TNC: variants seen among roughly 807,000 people sequenced by gnomAD.
TNC encodes the protein tenascin.
A neutral mutation model predicts 202.4 loss-of-function variants in TNC; 109 were observed. The ratio of observed to expected loss-of-function variants is 0.54; its 90% confidence interval spans 0.46 to 0.63. The LOEUF is 0.63. TNC is among the 30% of genes least tolerant of loss of function. The pLI is 0.00. For missense variants in TNC, 2,756 were observed against 2,833.3 expected (o/e 0.97, Z 0.62); for synonymous variants, 1,007 against 1,089.7 (o/e 0.92, Z 1.50).
At chr9:115,100,863 TTTTAA>T (rs763827832) in intron 1 of TNC, among the ~76,000 whole-genome samples, 1 of 152,200 alleles carries the variant, frequency 6.6e-6, no homozygotes, top group African/African-American at 2.4e-5. Context: ...AAAATTTTAA[TTTTAA>T]TTTGTCAATT....
At position 115,081,912 on chromosome 9, in the gene TNC, C is replaced by T; in HGVS notation, c.2264G>A (p.Gly755Glu). 1.9e-6 allele frequency: 3 copies of T among 1,588,168 alleles called. No homozygotes were observed. The highest frequency in any genetic ancestry group is 2.6e-6 in the Non-Finnish European group (3 of 1,173,550). Reference protein sequence around the residue: ...IFRNMNKEDEGEITKSLRRPE... With the variant: ...IFRNMNKEDEEEITKSLRRPE... ...CCTCCTCAGGCTTTTGGTGATCTCT[C>T]CCTCATCTTCTTTATTCTGAGAGAT... is the stretch of plus-strand genomic sequence containing the variant. Residue 755 changes from glycine (G) to glutamate (E), a missense_variant, in exon 6 of 28, where the codon GGA becomes GAA. Physicochemically the swap from Gly to Glu is moderately conservative, Grantham distance 98 (BLOSUM62 -2). Coordinates refer to ENST00000350763, the MANE Select transcript of TNC (RefSeq NM_002160.4).
At chr9:115,057,100 T>C in intron 15 of TNC, 53 bp downstream of exon 15, 1 of 1,555,160 alleles carries the variant, frequency 6.4e-7, no homozygotes, top group South Asian at 1.3e-5. Flanking sequence ...GGCTTCACCC[T>C]GCAAAGAAGA....
At position 115,067,480 on chromosome 9, in the gene TNC, A is replaced by AT. The variant is rs1040625992; in HGVS notation, c.3215-2562dup. Among the ~76,000 whole-genome samples, 10 of 152,010 alleles carry AT rather than the reference A, an allele frequency of 6.6e-5. No individual in the cohort carries two copies. In the East Asian group the frequency reaches 1.4e-3, roughly 21 times the overall value. On this transcript the variant is annotated intron_variant, in intron 10 of 27. Transcript: ENST00000350763. The stretch of plus-strand genomic sequence containing the variant: ...CTTATGTCTAATTGTTACATAAAAC[A>AT]TTTTTTTCTATAAAATAAATTTTAA...
chr9:115,104,437 G>T (rs1344367168), intron 1 of TNC, among the ~76,000 whole-genome samples: 3 of 152,166 alleles, frequency 2.0e-5, no homozygotes, highest in African/African-American at 7.2e-5. Flanking sequence ...AGTCCCGAAA[G>T]ACCCTGAAAA....
Position 115,062,713 on chromosome 9 carries a change from T to A in TNC, c.4033+204A>T, listed in dbSNP as rs546446659. Among the ~76,000 whole-genome samples the A allele has an allele frequency of 2.0e-5, 3 of 152,110 alleles. No homozygotes were observed. The East Asian group carries it at 5.8e-4, about 29-fold the overall frequency. ...ATATATTTGTGTGTGTGTATATATG[T>A]GTATCTATATATATACATACACATA... On this transcript the variant is annotated intron_variant, in intron 13 of 27. Transcript: ENST00000350763.
intron 9 of TNC, 44 bp from the exon 10 acceptor site, chr9:115,073,910 C>T: frequency 6.3e-7 from 1 of 1,575,148 alleles, no homozygotes; most frequent in South Asian, 1.2e-5. Context: ...GGCTGCAAGA[C>T]AGGGCTGCTT....
At chr9:115,094,758 T>C (rs948829731) in intron 1 of TNC, among the ~76,000 whole-genome samples, 29 of 151,820 alleles carry the variant, frequency 1.9e-4, no homozygotes, top group Admixed American at 2.6e-4. Flanking sequence ...CATGTAGAAA[T>C]CCTGGCAAAG....
In TNC at chr9:115,021,934, G is replaced by A. The variant is rs1000682473; in HGVS notation, c.6496-667C>T. On this transcript the variant is annotated intron_variant, in intron 27 of 27. Coordinates refer to ENST00000350763, the MANE Select transcript of TNC (RefSeq NM_002160.4). The stretch of plus-strand genomic sequence containing the variant: ...AAGGAGCTATCACAGAGCTGGGCAC[G>A]TCGTAGGTGCTTGGTAAATATTACT... 2.6e-5 allele frequency among the ~76,000 whole-genome samples: 4 copies of A among 152,296 alleles called. No homozygotes were observed. The South Asian group carries it at 6.2e-4, about 24-fold the overall frequency.
chr9:115,026,860 AGGGGGT>A (rs1457678626), intron 25 of TNC, among the ~76,000 whole-genome samples, 165 bp from the exon 26 acceptor site: 2 of 604 alleles, frequency 3.3e-3, no homozygotes, highest in African/African-American at 0.012. Flanking sequence ...ATGGGGTGGG[AGGGGGT>A]GGGGGTGGGG....
rs760052760 is a variant in TNC, at chr9:115,084,355, C to T, written c.1985G>A (p.Gly662Asp). The T allele has an allele frequency of 5.0e-6, 8 of 1,614,224 alleles. No individual in the cohort carries two copies. Among genetic ancestry groups the T allele is most frequent in the Non-Finnish European group, 5.9e-6 (7 of 1,180,044 alleles). ...CACACGGAACTGCATTTCCAGACCACCCTCGTGGGTGGGCGTGTACACGAC... is the reference window on the plus strand; with the variant it reads ...CACACGGAACTGCATTTCCAGACCATCCTCGTGGGTGGGCGTGTACACGAC... ...YLVVYTPTHE[G>D]GLEMQFRVPG... Residue 662 changes from glycine to aspartate, a missense_variant, in exon 4 of 28, where the codon GGT becomes GAT. Gly to Asp is a moderately conservative substitution (Grantham distance 94). Transcript: ENST00000350763.
chr9:115,043,077 C>T (rs554706023), intron 17 of TNC, among the ~76,000 whole-genome samples: 2 of 152,288 alleles, frequency 1.3e-5, no homozygotes, highest in East Asian at 3.9e-4. Context: ...AAATACCTCC[C>T]CTCAAAACCC....
intron 23 of TNC, among the ~76,000 whole-genome samples, chr9:115,031,135 C>T (rs887869129): frequency 3.9e-5 from 6 of 152,210 alleles, no homozygotes; most frequent in Non-Finnish European, 7.3e-5. Flanking sequence ...AGACTTTCAG[C>T]TCATGTTGAA....
At chr9:115,035,164 C>A in intron 22 of TNC, 40 bp downstream of exon 22, 1 of 1,548,664 alleles carries the variant, frequency 6.5e-7, no homozygotes, top group African/African-American at 1.4e-5. Flanking sequence ...CATGCAAATG[C>A]TTCAACTAGC....
At chr9:115,075,976 C>G in intron 9 of TNC, 56 bp downstream of exon 9, 1 of 1,505,568 alleles carries the variant, frequency 6.6e-7, no homozygotes, top group Non-Finnish European at 9.2e-7. Context: ...CACATTGACT[C>G]TGTCTCATCT....
chr9:115,035,447 T>A (rs1203559940), intron 21 of TNC, 113 bp from the exon 22 acceptor site: 1 of 1,173,408 alleles, frequency 8.5e-7, no homozygotes, highest in Non-Finnish European at 1.2e-6. Flanking sequence ...CTGAACTACG[T>A]GACCTTTGGC....
chr9:115,045,369 A>T (rs1274826835), intron 17 of TNC, among the ~76,000 whole-genome samples: 1 of 151,898 alleles, frequency 6.6e-6, no homozygotes, highest in Non-Finnish European at 1.5e-5. Flanking sequence ...TACTACTGTT[A>T]TTATTATCAT....
At chr9:115,029,307 A>C (rs1473063221) in intron 25 of TNC, 53 bp downstream of exon 25, 2 of 1,546,858 alleles carry the variant, frequency 1.3e-6, no homozygotes, top group Non-Finnish European at 1.8e-6. Flanking sequence ...AGGAAAAGTG[A>C]CAAGGAGGGC....
In TNC at chr9:115,035,188, T is replaced by C; in HGVS notation, c.5787+16A>G. ...GCTTCAACTAGCATTGAGGAGTTGTTATATACTTAAAATACCTTGACTGTG... is the reference window on the plus strand; with the variant it reads ...GCTTCAACTAGCATTGAGGAGTTGTCATATACTTAAAATACCTTGACTGTG... On this transcript the variant is annotated intron_variant, in intron 22 of 27. Coordinates refer to ENST00000350763, the MANE Select transcript of TNC (RefSeq NM_002160.4). The C allele has an allele frequency of 6.3e-7, 1 of 1,599,876 alleles. No individual in the cohort carries two copies. The highest frequency in any genetic ancestry group is 1.3e-5 in the African/African-American group (1 of 74,130).
intron 14 of TNC, among the ~76,000 whole-genome samples, chr9:115,058,148 GC>G: frequency 6.6e-6 from 1 of 152,322 alleles, no homozygotes; most frequent in African/African-American, 2.4e-5. Context: ...GGCAGTTTAG[GC>G]CATCCCTTTC....
Sources: allele counts gnomAD v4.1 joint callset (sites outside exome capture counted in the v4.1 genomes callset), GRCh38; gene constraint gnomAD v4.1.1; transcripts MANE v1.5; gene names NCBI Gene and HGNC (gene_info 2026-07-23, HGNC 2026-07-21).